TLK1: variants seen among roughly 807,000 people sequenced by gnomAD.
The protein encoded by TLK1 is tousled like kinase 1.
In TLK1, 24 loss-of-function variants were observed where a neutral mutation model predicts 105.3. The observed-to-expected ratio is 0.23, with a 90% CI of 0.17 to 0.32. The LOEUF (loss-of-function observed/expected upper bound fraction) is 0.32. Among genes scored for constraint, TLK1 ranks in the 10% least tolerant of loss-of-function variants. TLK1 has a pLI of 1.00. For synonymous variants in TLK1, 321 were observed against 310.4 expected (o/e 1.03, Z -0.36); for missense variants, 558 against 910.5 (o/e 0.61, Z 4.98).
intron 1 of TLK1, among the ~76,000 whole-genome samples, chr2:171,227,541 T>C (rs1014502652): frequency 2.0e-5 from 3 of 149,358 alleles, no homozygotes; most frequent in Admixed American, 6.8e-5. Flanking sequence ...TTCATTTACA[T>C]GAGTTAGTCA....
At chr2:171,107,090 T>G (rs1689962857) in intron 2 of TLK1, among the ~76,000 whole-genome samples, 1 of 152,212 alleles carries the variant, frequency 6.6e-6, no homozygotes, top group African/African-American at 2.4e-5. Flanking sequence ...AATACTTTGA[T>G]GAGTCCAGGC....
intron 1 of TLK1, among the ~76,000 whole-genome samples, chr2:171,129,607 G>A (rs1206240444): frequency 3.3e-5 from 5 of 152,090 alleles, no homozygotes; most frequent in Non-Finnish European, 5.9e-5. Flanking sequence ...TGAAGGCCAA[G>A]GCAGGCAGGT....
At chr2:171,134,334 T>C (rs1691219707) in intron 1 of TLK1, among the ~76,000 whole-genome samples, 2 of 152,228 alleles carry the variant, frequency 1.3e-5, no homozygotes, top group Admixed American at 1.3e-4. Context: ...CTCCTCATTC[T>C]TGCAATATAT....
chr2:171,070,918 A>G (rs1488777820), intron 3 of TLK1, among the ~76,000 whole-genome samples: 1 of 152,124 alleles, frequency 6.6e-6, no homozygotes, highest in Non-Finnish European at 1.5e-5. Context: ...TTTTCTCCAC[A>G]TCCTTGCCAG....
At chr2:171,199,736 A>G (rs1693362324) in intron 1 of TLK1, among the ~76,000 whole-genome samples, 1 of 152,212 alleles carries the variant, frequency 6.6e-6, no homozygotes, top group East Asian at 1.9e-4. Context: ...CATATTACAA[A>G]TTCGAAATAG....
At chr2:171,222,670 A>G (rs562500854) in intron 1 of TLK1, among the ~76,000 whole-genome samples, 5 of 152,334 alleles carry the variant, frequency 3.3e-5, no homozygotes, top group African/African-American at 1.2e-4. Context: ...TGATACAACC[A>G]TATAATGTGT....
Position 171,053,881 on chromosome 2 carries a change from C to T in TLK1, c.640-28G>A, listed in dbSNP as rs761900549. The T allele has an allele frequency of 2.7e-6, 4 of 1,494,960 alleles. No individual in the cohort carries two copies. The South Asian group carries it at 3.7e-5, about 14-fold the overall frequency. 92.6% of individuals were successfully genotyped at this position (1,494,960 alleles called of 1,614,324 possible). A position where few individuals can be genotyped will look rare whatever the true frequency, so the allele number is the denominator to read the frequency against. On this transcript the variant is annotated intron_variant, in intron 7 of 20. Transcript: ENST00000431350. ...AAATGAAAAAAAGTTATTTTATTAT[C>T]TCCATTATATATGTTGTTTCAAGCA...
chr2:171,082,869 A>C lies in TLK1; in HGVS notation c.259-17T>G. 1 of 1,582,954 alleles carries C rather than the reference A, an allele frequency of 6.3e-7. No homozygotes were observed. ...TGTTGAGGCCTGTTAAAGATTTTTT[A>C]AAAGGTAAAAATTAGGAGTAATTTT... On this transcript the variant is annotated splice_polypyrimidine_tract_variant and intron_variant, in intron 2 of 20. Coordinates refer to ENST00000431350, the MANE Select transcript of TLK1 (RefSeq NM_012290.5).
chr2:171,015,921 A>C (rs559417828), intron 12 of TLK1, among the ~76,000 whole-genome samples: 1 of 152,018 alleles, frequency 6.6e-6, no homozygotes, highest in Non-Finnish European at 1.5e-5. Context: ...TCTACTAAAA[A>C]TACAAAATTA....
At chr2:171,131,646 T>C (rs1409301661) in intron 1 of TLK1, among the ~76,000 whole-genome samples, 2 of 152,194 alleles carry the variant, frequency 1.3e-5, no homozygotes, top group East Asian at 1.9e-4. Context: ...GATATTTTCC[T>C]AAAAAACTGT....
At chr2:171,033,704 T>C (rs917580360) in intron 11 of TLK1, among the ~76,000 whole-genome samples, 4 of 149,202 alleles carry the variant, frequency 2.7e-5, no homozygotes, top group African/African-American at 9.8e-5. Flanking sequence ...CAAAAGTAAT[T>C]GCGGTTTTTG....
intron 14 of TLK1, among the ~76,000 whole-genome samples, chr2:171,011,010 T>G (rs917151962): frequency 6.6e-6 from 1 of 152,172 alleles, no homozygotes; most frequent in Admixed American, 6.5e-5. Context: ...AAGTACTTCT[T>G]TTTTTTGTTT....
chr2:171,015,896 T>C (rs1685184177), intron 12 of TLK1, among the ~76,000 whole-genome samples: 1 of 151,872 alleles, frequency 6.6e-6, no homozygotes, highest in Non-Finnish European at 1.5e-5. Context: ...CTGACCAACA[T>C]GGAGAAACCC....
intron 1 of TLK1, among the ~76,000 whole-genome samples, chr2:171,181,000 T>G (rs1692920270): frequency 6.6e-6 from 1 of 152,188 alleles, no homozygotes; most frequent in African/African-American, 2.4e-5. Context: ...AACAGATTCA[T>G]TCTGTAAAAA....
chr2:171,022,078 G>A (rs796426657), intron 12 of TLK1, among the ~76,000 whole-genome samples: 4 of 60,114 alleles, frequency 6.7e-5, no homozygotes, highest in Admixed American at 2.0e-4. Flanking sequence ...ACTCCAGCCT[G>A]GGCGAAAAAC....
intron 1 of TLK1, among the ~76,000 whole-genome samples, chr2:171,136,532 A>G (rs1000396406): frequency 1.1e-4 from 16 of 152,358 alleles, no homozygotes; most frequent in African/African-American, 3.8e-4. Flanking sequence ...CCTGGGTGAC[A>G]GAGTGAGACG....
chr2:171,113,159 T>C (rs1174673626), intron 2 of TLK1, among the ~76,000 whole-genome samples: 1 of 151,906 alleles, frequency 6.6e-6, no homozygotes, highest in African/African-American at 2.4e-5. Context: ...TACCAAAATA[T>C]GATAATATTT....
chr2:171,192,834 C>T (rs73017292), intron 1 of TLK1, among the ~76,000 whole-genome samples: 1 of 152,114 alleles, frequency 6.6e-6, no homozygotes, highest in Non-Finnish European at 1.5e-5. Flanking sequence ...ATCTTGATGA[C>T]TGTTCTAGTC....
chr2:171,200,050 TG>T (rs1289309824), intron 1 of TLK1, among the ~76,000 whole-genome samples: 2 of 152,180 alleles, frequency 1.3e-5, no homozygotes, highest in Admixed American at 6.5e-5. Context: ...AGAGACTGGA[TG>T]GTGAGGCCAA....
Sources: gnomAD v4.1 joint callset for allele counts (sites outside exome capture counted in the v4.1 genomes callset) on GRCh38, gnomAD v4.1.1 for gene constraint, MANE v1.5 for transcripts, NCBI Gene and HGNC (gene_info 2026-07-23, HGNC 2026-07-21) for gene names.